Variants in ASCC3 observed in about 807,000 individuals in gnomAD.
The protein encoded by ASCC3 is activating signal cointegrator 1 complex subunit 3.
ASCC3 carries 158 observed loss-of-function variants against 256.3 expected under a neutral mutation model. The ratio of observed to expected loss-of-function variants is 0.62; its 90% CI spans 0.54 to 0.70. The LOEUF is 0.70. Among genes scored for constraint, ASCC3 ranks in the 30% least tolerant of loss-of-function variants. ASCC3 has a pLI of 0.00. For missense variants in ASCC3, 2,259 were observed against 2,626.0 expected, an observed-to-expected ratio of 0.86 and a Z score of 3.05; for synonymous variants, 948 against 883.4, an observed-to-expected ratio of 1.07 and a Z score of -1.30.
At chr6:100,549,167 A>C (rs1034109413) in intron 36 of ASCC3, among the ~76,000 whole-genome samples, 1 of 151,942 alleles carries the variant, frequency 6.6e-6, no homozygotes, top group Non-Finnish European at 1.5e-5. Flanking sequence ...GAGAGGAAAA[A>C]TGGTGAGTCC....
At chr6:100,739,145 T>C (rs906294977) in intron 10 of ASCC3, among the ~76,000 whole-genome samples, 2 of 152,132 alleles carry the variant, frequency 1.3e-5, no homozygotes, top group African/African-American at 4.8e-5. Context: ...GAGATTATAA[T>C]AGGAAGCAAT....
chr6:100,679,644 G>A lies in ASCC3; in HGVS notation c.2260C>T (p.His754Tyr). Residue 754 changes from histidine to tyrosine, a missense_variant, in exon 14 of 42, where the codon CAT (histidine) becomes TAT (tyrosine). His to Tyr is a moderately conservative substitution (Grantham distance 83). Transcript: ENST00000369162. ...HIPFFFPTQG[H>Y]DYVLAEKQVQ... ...TGTTTTTCTGCAAGTACATAGTCAT[G>A]TCCTTGGGTAGGAAAAAAGAAGGGA... 1 of 1,613,536 alleles carries A rather than the reference G, an allele frequency of 6.2e-7. No individual in the cohort carries two copies. The highest frequency in any genetic ancestry group is 8.5e-7 in the Non-Finnish European group (1 of 1,179,692).
chr6:100,803,059 T>A (rs1204045622), intron 5 of ASCC3, among the ~76,000 whole-genome samples: 1 of 152,084 alleles, frequency 6.6e-6, no homozygotes, highest in Admixed American at 6.6e-5. Context: ...TTTAGGAGAC[T>A]GACAAAATGA....
At chr6:100,625,169 A>G in intron 30 of ASCC3, 23 bp downstream of exon 30, 1 of 1,611,264 alleles carries the variant, frequency 6.2e-7, no homozygotes, top group Non-Finnish European at 8.5e-7. Context: ...TGTAAGTAGT[A>G]GAAGATAAAA....
intron 40 of ASCC3, chr6:100,510,444 A>G (rs1773705133): frequency 3.8e-6 from 1 of 260,122 alleles, no homozygotes; most frequent in South Asian, 5.5e-5. Context: ...CCACATTGGT[A>G]GATGAACAAA....
intron 36 of ASCC3, among the ~76,000 whole-genome samples, chr6:100,553,185 A>G (rs948215292): frequency 6.6e-6 from 1 of 152,130 alleles, no homozygotes; most frequent in Admixed American, 6.6e-5. Context: ...TTAGAAAGGC[A>G]GCAATCTCAA....
chr6:100,587,414 T>C (rs1011366909), intron 36 of ASCC3, among the ~76,000 whole-genome samples: 5 of 152,124 alleles, frequency 3.3e-5, no homozygotes, highest in African/African-American at 4.8e-5. Flanking sequence ...TAGCTACACA[T>C]AGTGTTCAAT....
rs780060564 is a variant in ASCC3, at chr6:100,580,261, A to AT, written c.5550+9372dup. Among the ~76,000 whole-genome samples, 303 of 151,072 alleles carry AT rather than the reference A, an allele frequency of 2.0e-3. 1 individual carries two copies. The highest frequency in any genetic ancestry group is 0.013 in the East Asian group (65 of 5,148). ...ACATAAAGCGTAAGAATTCTAACTC[A>AT]TTTTTTTTTAAAGAGAGAAAAATAT... is the stretch of plus-strand genomic sequence containing the variant. On this transcript the variant is annotated intron_variant, in intron 36 of 41. Coordinates refer to ENST00000369162, the MANE Select transcript of ASCC3 (RefSeq NM_006828.4).
chr6:100,869,531 T>A (rs1170899307), intron 1 of ASCC3, among the ~76,000 whole-genome samples: 1 of 152,150 alleles, frequency 6.6e-6, no homozygotes, highest in African/African-American at 2.4e-5. Flanking sequence ...ATATACTTGT[T>A]AAATTTTAAA....
intron 1 of ASCC3, among the ~76,000 whole-genome samples, chr6:100,877,117 T>A (rs998900314): frequency 6.6e-6 from 1 of 152,174 alleles, no homozygotes; most frequent in Non-Finnish European, 1.5e-5. Flanking sequence ...TAGGAAAAGA[T>A]AGTTACTGTA....
At chr6:100,516,726 GA>G (rs1044492783) in intron 38 of ASCC3, among the ~76,000 whole-genome samples, 3 of 152,032 alleles carry the variant, frequency 2.0e-5, no homozygotes, top group African/African-American at 7.2e-5. Flanking sequence ...AAGTTGTTGG[GA>G]ACATAAAGTT....
chr6:100,749,073 T>A (rs1015294966), intron 10 of ASCC3, among the ~76,000 whole-genome samples: 2 of 152,050 alleles, frequency 1.3e-5, no homozygotes, highest in African/African-American at 4.8e-5. Context: ...TCATGAAGAA[T>A]CAACTTTAAT....
chr6:100,591,844 A>G (rs1200301609), intron 34 of ASCC3, among the ~76,000 whole-genome samples: 4 of 151,972 alleles, frequency 2.6e-5, no homozygotes, highest in African/African-American at 4.8e-5. Context: ...CAACTTTACC[A>G]TTTTTATGCT....
rs74856698 is a variant in ASCC3, at chr6:100,877,162, A to G, written c.-42+3899T>C. On this transcript the variant is annotated intron_variant, in intron 1 of 41. Transcript: ENST00000369162. ...TATAAAAATATGAAAAGATCTCCAA[A>G]ACAGCCAAACTATATTTCCTAATAA... 1.6e-3 allele frequency among the ~76,000 whole-genome samples: 249 copies of G among 152,284 alleles called. 1 individual carries two copies. Among genetic ancestry groups the G allele is most frequent in the African/African-American group, 5.8e-3 (241 of 41,574 alleles).
chr6:100,630,799 G>T (rs1003735004), intron 26 of ASCC3, among the ~76,000 whole-genome samples: 1 of 151,592 alleles, frequency 6.6e-6, no homozygotes, highest in Non-Finnish European at 1.5e-5. Context: ...TGCAAAATAC[G>T]AAAAAAATAG....
chr6:100,574,001 G>T (rs1770731793), intron 36 of ASCC3, among the ~76,000 whole-genome samples: 1 of 152,060 alleles, frequency 6.6e-6, no homozygotes, highest in African/African-American at 2.4e-5. Context: ...CTTTTGCCTT[G>T]AATGCTGAAG....
At chr6:100,798,647 G>A in intron 8 of ASCC3, 66 bp downstream of exon 8, 10 of 1,603,144 alleles carry the variant, frequency 6.2e-6, no homozygotes, top group Non-Finnish European at 8.5e-6. Context: ...AATTTTTCCA[G>A]TATAAATTCA....
intron 36 of ASCC3, among the ~76,000 whole-genome samples, chr6:100,569,971 G>A (rs1335530146): frequency 1.3e-5 from 2 of 152,010 alleles, no homozygotes; most frequent in Non-Finnish European, 2.9e-5. Context: ...ACAGTATTTT[G>A]AAGTTCTCCT....
chr6:100,737,825 A>C (rs1381606463), intron 10 of ASCC3, among the ~76,000 whole-genome samples: 1 of 152,212 alleles, frequency 6.6e-6, no homozygotes, highest in East Asian at 1.9e-4. Context: ...CAATGGTTAA[A>C]CTAATTTACA....
Sources: allele counts gnomAD v4.1 joint callset (sites outside exome capture counted in the v4.1 genomes callset), GRCh38; gene constraint gnomAD v4.1.1; transcripts MANE v1.5; gene names NCBI Gene and HGNC (gene_info 2026-07-23, HGNC 2026-07-21).